The following HIVEP2 variants were observed in gnomAD, a reference collection of about 807,000 sequenced individuals.
HIVEP2 encodes the protein transcription factor HIVEP2.
In HIVEP2, 14 loss-of-function variants were observed where a neutral mutation model predicts 180.7. That is an observed-to-expected ratio of 0.08 (90% CI 0.05 to 0.12). The LOEUF (loss-of-function observed/expected upper bound fraction) is 0.12. Among genes scored for constraint, HIVEP2 ranks in the 10% least tolerant of loss-of-function variants. HIVEP2 has a pLI of 1.00. For missense variants in HIVEP2, 2,579 were observed against 3,008.5 expected, an observed-to-expected ratio of 0.86 and a Z score of 3.34; for synonymous variants, 1,184 against 1,136.4, an observed-to-expected ratio of 1.04 and a Z score of -0.84.
At chr6:142,911,078 T>G (rs1419166843) in intron 1 of HIVEP2, among the ~76,000 whole-genome samples, 1 of 147,726 alleles carries the variant, frequency 6.8e-6, no homozygotes, top group Non-Finnish European at 1.5e-5. Context: ...CAATAAAGTT[T>G]AAAGGTCACC....
At chr6:142,794,522 T>C (rs1354812170) in intron 2 of HIVEP2, among the ~76,000 whole-genome samples, 2 of 152,172 alleles carry the variant, frequency 1.3e-5, no homozygotes, top group Non-Finnish European at 2.9e-5. Context: ...AAAAGGTACA[T>C]ATAACATAAC....
chr6:142,907,612 C>A (rs1320667097), intron 1 of HIVEP2, among the ~76,000 whole-genome samples: 2 of 152,218 alleles, frequency 1.3e-5, no homozygotes, highest in Non-Finnish European at 2.9e-5. Flanking sequence ...CCTACTCCAG[C>A]AGCCTGTTAA....
chr6:142,806,259 C>T (rs1776545732), intron 2 of HIVEP2, among the ~76,000 whole-genome samples: 2 of 152,098 alleles, frequency 1.3e-5, no homozygotes. Flanking sequence ...TACATGAAAC[C>T]ATAAATGATA....
At chr6:142,894,409 G>A (rs1776933812) in intron 1 of HIVEP2, among the ~76,000 whole-genome samples, 1 of 152,180 alleles carries the variant, frequency 6.6e-6, no homozygotes, top group African/African-American at 2.4e-5. Context: ...AAGTTTGACT[G>A]TTCAAGAGCA....
At chr6:142,824,043 T>C (rs1034818640) in intron 2 of HIVEP2, among the ~76,000 whole-genome samples, 8 of 152,224 alleles carry the variant, frequency 5.3e-5, no homozygotes, top group Admixed American at 2.0e-4. Context: ...AATTTACATA[T>C]ATGATGAAAA....
chr6:142,866,721 G>T (rs1007059885), intron 1 of HIVEP2, among the ~76,000 whole-genome samples: 1 of 152,212 alleles, frequency 6.6e-6, no homozygotes, highest in Middle Eastern at 3.4e-3. Flanking sequence ...TGTGGAAAGG[G>T]CTTTCTCTTT....
At chr6:142,818,648 G>T (rs1213885421) in intron 2 of HIVEP2, among the ~76,000 whole-genome samples, 1 of 147,412 alleles carries the variant, frequency 6.8e-6, no homozygotes, top group Non-Finnish European at 1.5e-5. Context: ...TAGCCTGGGG[G>T]ACAGAGTAAA....
At chr6:142,940,308 G>A (rs1345874223) in intron 1 of HIVEP2, among the ~76,000 whole-genome samples, 1 of 152,152 alleles carries the variant, frequency 6.6e-6, no homozygotes, top group East Asian at 1.9e-4. Flanking sequence ...AATAATAATA[G>A]TTAATTTACA....
intron 1 of HIVEP2, among the ~76,000 whole-genome samples, chr6:142,875,329 G>C (rs1000583921): frequency 2.0e-5 from 3 of 152,142 alleles, no homozygotes; most frequent in African/African-American, 7.2e-5. Flanking sequence ...GAACCTATCT[G>C]GGAATGGGGT....
chr6:142,812,138 T>C (rs1268157747), intron 2 of HIVEP2, among the ~76,000 whole-genome samples: 1 of 152,014 alleles, frequency 6.6e-6, no homozygotes, highest in Non-Finnish European at 1.5e-5. Context: ...CCGAAGATGG[T>C]TAAAGGTCAC....
intron 1 of HIVEP2, among the ~76,000 whole-genome samples, chr6:142,884,229 G>A (rs1415175114): frequency 2.0e-5 from 3 of 151,964 alleles, no homozygotes; most frequent in Non-Finnish European, 4.4e-5. Context: ...GTTCCTAGGA[G>A]GGAAACCATT....
chr6:142,828,114 G>T (rs915888876), intron 2 of HIVEP2, among the ~76,000 whole-genome samples: 1 of 152,054 alleles, frequency 6.6e-6, no homozygotes, highest in African/African-American at 2.4e-5. Context: ...GGCATGATAC[G>T]CTGAACACTC....
At position 142,774,491 on chromosome 6, in the gene HIVEP2, T is replaced by G; in HGVS notation, c.248A>C (p.Gln83Pro). Reference sequence around the variant, plus strand: ...AGGACTCGGACGATGCGGTGGATATTGCTTCTCTGCGACTTGCTGCACCAC... The same window carrying G: ...AGGACTCGGACGATGCGGTGGATATGGCTTCTCTGCGACTTGCTGCACCAC... ...SEVVQQVAEKQYPPHRPSPYS... is the reference protein window; with the variant it reads ...SEVVQQVAEKPYPPHRPSPYS... Residue 83 changes from glutamine (Q) to proline (P), a missense_variant, in exon 5 of 10, where the codon CAA becomes CCA. By Grantham distance (76) the Gln-to-Pro change is moderately conservative. This residue lies in a region of HIVEP2 where 207 missense variants were observed against 210.1 expected (regional missense o/e 0.99). Coordinates refer to ENST00000367603, the MANE Select transcript of HIVEP2 (RefSeq NM_006734.4). The surrounding 1 kb of genome is among the most constrained non-coding windows in gnomAD (Gnocchi z 5.1). 6.2e-7 allele frequency: 1 copy of G among 1,614,088 alleles called. No homozygotes were observed. The highest frequency in any genetic ancestry group is 8.5e-7 in the Non-Finnish European group (1 of 1,180,014).
chr6:142,821,786 C>A (rs755378892), intron 2 of HIVEP2, among the ~76,000 whole-genome samples: 27 of 152,198 alleles, frequency 1.8e-4, no homozygotes, highest in Non-Finnish European at 3.5e-4. Context: ...GTCAAGCAAT[C>A]AAGGCTAAAT....
At chr6:142,897,378 C>T (rs1408835984) in intron 1 of HIVEP2, among the ~76,000 whole-genome samples, 2 of 152,212 alleles carry the variant, frequency 1.3e-5, no homozygotes, top group African/African-American at 4.8e-5. Context: ...AGCGACTCCA[C>T]CCCTAGGGCT....
At chr6:142,906,507 A>G (rs1319344028) in intron 1 of HIVEP2, among the ~76,000 whole-genome samples, 1 of 152,128 alleles carries the variant, frequency 6.6e-6, no homozygotes, top group Non-Finnish European at 1.5e-5. Context: ...ACAACAATGC[A>G]GTCAAAATTT....
chr6:142,776,865 G>T (rs1181144030), intron 3 of HIVEP2, among the ~76,000 whole-genome samples: 2 of 152,058 alleles, frequency 1.3e-5, no homozygotes, highest in Non-Finnish European at 2.9e-5. Flanking sequence ...TGATAGGTTT[G>T]AATGTTTATG....
intron 2 of HIVEP2, among the ~76,000 whole-genome samples, chr6:142,790,683 C>T (rs1165001732): frequency 1.3e-5 from 2 of 152,074 alleles, no homozygotes; most frequent in African/African-American, 2.4e-5. Context: ...AAAGAAAGGC[C>T]GCAGTTAACT....
rs943528784 is a variant in HIVEP2, at chr6:142,768,649, C to T, written c.5188-113G>A. On this transcript the variant is annotated intron_variant, in intron 5 of 9. Coordinates refer to ENST00000367603, the MANE Select transcript of HIVEP2 (RefSeq NM_006734.4). ...TGAGCCTAAATTCTGTACTAAAAGG[C>T]CAGGAACTAGTTATATAAAATAAGG... The T allele has an allele frequency of 4.1e-6, 4 of 983,184 alleles. No homozygotes were observed. The Admixed American group carries it at 1.0e-4, about 25-fold the overall frequency. 60.9% of individuals were successfully genotyped at this position (983,184 alleles called of 1,614,324 possible).
Sources: allele counts gnomAD v4.1 joint callset (sites outside exome capture counted in the v4.1 genomes callset), GRCh38; gene constraint gnomAD v4.1.1; regional missense constraint gnomAD v4.1.1; non-coding constraint Gnocchi (gnomAD v3.1); transcripts MANE v1.5; gene names NCBI Gene and HGNC (gene_info 2026-07-23, HGNC 2026-07-21).